Variants in LARP4B observed in about 807,000 individuals in gnomAD.
LARP4B encodes la-related protein 4B.
Under a neutral mutation model 89.8 loss-of-function variants are expected in LARP4B, and 12 were observed. That is an observed-to-expected ratio of 0.13 (90% CI 0.09 to 0.22). The LOEUF is 0.22. LARP4B is among the 10% of genes least tolerant of loss of function. The pLI, the probability that LARP4B is intolerant of heterozygous loss-of-function variation, is 1.00. For synonymous variants in LARP4B, 367 were observed against 363.3 expected (o/e 1.01, Z -0.12); for missense variants, 757 against 947.7 (o/e 0.80, Z 2.64).
At chr10:879,247 T>C (rs949999967) in intron 3 of LARP4B, among the ~76,000 whole-genome samples, 3 of 152,196 alleles carry the variant, frequency 2.0e-5, no homozygotes, top group South Asian at 4.1e-4. Context: ...TTAAAAAGGA[T>C]CTACTCCGTC....
intron 7 of LARP4B, among the ~76,000 whole-genome samples, chr10:837,204 C>T (rs551422002): frequency 1.3e-5 from 2 of 152,334 alleles, no homozygotes; most frequent in African/African-American, 2.4e-5. Context: ...ACCACCAAAG[C>T]TCACCCTACA....
the LARP4B span, among the ~76,000 whole-genome samples, chr10:969,794 C>G: frequency 6.6e-6 from 1 of 152,082 alleles, no homozygotes; most frequent in African/African-American, 2.4e-5. Flanking sequence ...GGAACTATCC[C>G]AAGATTAGAG....
At chr10:824,812 G>C (rs1207332543) in intron 13 of LARP4B, among the ~76,000 whole-genome samples, 1 of 152,218 alleles carries the variant, frequency 6.6e-6, no homozygotes, top group Non-Finnish European at 1.5e-5. Flanking sequence ...ACATGGGATG[G>C]AGTCTATGGC....
chr10:839,052 G>A (rs1833380349), intron 7 of LARP4B, among the ~76,000 whole-genome samples: 1 of 152,024 alleles, frequency 6.6e-6, no homozygotes, highest in Non-Finnish European at 1.5e-5. Flanking sequence ...AGGACATTCT[G>A]CAAAAGGCAA....
Position 923,854 on chromosome 10 carries a change from A to G in LARP4B, c.-40+7574T>C, listed in dbSNP as rs145883786. 3.6e-4 allele frequency among the ~76,000 whole-genome samples: 55 copies of G among 152,334 alleles called. No homozygotes were observed. The East Asian group carries it at 9.8e-3, about 27-fold the overall frequency. On this transcript the variant is annotated intron_variant, in intron 1 of 17. Transcript: ENST00000316157. ...CAAAATGTTCTCATTTTTCAGAGACACTCCTAAAAAAGGCATGTTTGAAAT... is the reference window on the plus strand; with the variant it reads ...CAAAATGTTCTCATTTTTCAGAGACGCTCCTAAAAAAGGCATGTTTGAAAT...
chr10:853,332 T>G lies in LARP4B; in HGVS notation c.431-8277A>C, dbSNP rs368555082. Among the ~76,000 whole-genome samples, 6 of 152,308 alleles carry G rather than the reference T, an allele frequency of 3.9e-5. No homozygotes were observed. The South Asian group carries it at 1.2e-3, about 32-fold the overall frequency. On this transcript the variant is annotated intron_variant, in intron 5 of 17. Transcript: ENST00000316157. ...ATGAGTACACTAAACTGTTGTATATTTAATGTGAGATAGCAGTATGTCCTT... is the reference window on the plus strand; with the variant it reads ...ATGAGTACACTAAACTGTTGTATATGTAATGTGAGATAGCAGTATGTCCTT...
chr10:826,046 G>T (rs1366974871), intron 11 of LARP4B, among the ~76,000 whole-genome samples, 176 bp from the exon 12 acceptor site: 4 of 152,222 alleles, frequency 2.6e-5, no homozygotes, highest in Non-Finnish European at 5.9e-5. Context: ...GAAGTAGGCT[G>T]GAGCTTTTGT....
At chr10:878,686 G>C (rs1336007289) in intron 3 of LARP4B, among the ~76,000 whole-genome samples, 1 of 152,166 alleles carries the variant, frequency 6.6e-6, no homozygotes, top group Non-Finnish European at 1.5e-5. Flanking sequence ...GGCCTAGGAA[G>C]GCAGCCAGTT....
At chr10:831,281 T>A (rs1832890661) in intron 8 of LARP4B, among the ~76,000 whole-genome samples, 1 of 148,568 alleles carries the variant, frequency 6.7e-6, no homozygotes, top group Admixed American at 6.7e-5. Flanking sequence ...CACAACTTTT[T>A]TTTTTTTTTT....
chr10:981,806 AT>A, the LARP4B span, among the ~76,000 whole-genome samples: 5 of 151,640 alleles, frequency 3.3e-5, no homozygotes, highest in Admixed American at 6.6e-5. Context: ...TGACCTCATG[AT>A]CCACCTGCCT....
intron 3 of LARP4B, among the ~76,000 whole-genome samples, chr10:877,206 C>T (rs1835492911): frequency 1.3e-5 from 2 of 152,134 alleles, no homozygotes; most frequent in Non-Finnish European, 2.9e-5. Context: ...CAGCAAGACC[C>T]CATCTCTACA....
chr10:972,244 T>C, the LARP4B span: 2 of 335,600 alleles, frequency 6.0e-6, no homozygotes, highest in African/African-American at 4.3e-5. Context: ...GCCAGACTTG[T>C]CTTGAACTCC....
At chr10:817,170 A>C (rs1247310446) in intron 15 of LARP4B, among the ~76,000 whole-genome samples, 3 of 152,138 alleles carry the variant, frequency 2.0e-5, no homozygotes, top group African/African-American at 7.2e-5. Context: ...TCCTAAGCAC[A>C]TTAGAGGCCA....
At chr10:922,799 A>C (rs561694989) in intron 1 of LARP4B, among the ~76,000 whole-genome samples, 2 of 152,200 alleles carry the variant, frequency 1.3e-5, no homozygotes, top group African/African-American at 4.8e-5. Flanking sequence ...CAGGCCGGGC[A>C]CAGTGGCTCA....
intron 1 of LARP4B, among the ~76,000 whole-genome samples, chr10:909,293 CA>C (rs56787174): frequency 0.21 from 16,713 of 80,692 alleles, 1,007 homozygotes; most frequent in East Asian, 0.42. Flanking sequence ...GACTCCGTCT[CA>C]AAAAAAAAAA....
At chr10:918,551 T>C (rs1200771591) in intron 1 of LARP4B, among the ~76,000 whole-genome samples, 3 of 147,768 alleles carry the variant, frequency 2.0e-5, no homozygotes, top group Admixed American at 1.4e-4. Flanking sequence ...GGAGGACCGC[T>C]TGAGACTGGG....
Position 931,611 on chromosome 10 carries a change from CG to C in LARP4B, c.-224del, listed in dbSNP as rs201543910. ...GGGCGCGAGCTGGCGGCGGCGGCGG[CG>C]GCGGATTCTTCCCCTTTCGGGCCCG... On this transcript the variant is annotated 5_prime_UTR_variant, in exon 1 of 18. Coordinates refer to ENST00000316157, the MANE Select transcript of LARP4B (RefSeq NM_015155.3). 0.13 allele frequency: 19,518 copies of C among 155,906 alleles called. 1,615 individuals are homozygous for C. Among genetic ancestry groups the C allele is most frequent in the Non-Finnish European group, 0.19 (13,395 of 71,198 alleles). 9.7% of individuals were successfully genotyped at this position (155,906 alleles called of 1,614,324 possible).
intron 1 of LARP4B, among the ~76,000 whole-genome samples, chr10:895,518 G>C (rs1459287297): frequency 6.6e-6 from 1 of 151,752 alleles, no homozygotes; most frequent in Non-Finnish European, 1.5e-5. Flanking sequence ...AACCAGGCTG[G>C]TGAAACCATG....
At chr10:908,274 G>T (rs976825470) in intron 1 of LARP4B, among the ~76,000 whole-genome samples, 1 of 152,202 alleles carries the variant, frequency 6.6e-6, no homozygotes, top group Non-Finnish European at 1.5e-5. Flanking sequence ...CATGGAGGTT[G>T]TTAAAGAGTG....
Sources: gnomAD v4.1 joint callset for allele counts (sites outside exome capture counted in the v4.1 genomes callset) on GRCh38, gnomAD v4.1.1 for gene constraint, MANE v1.5 for transcripts, NCBI Gene and HGNC (gene_info 2026-07-23, HGNC 2026-07-21) for gene names.